UHRF1: variants seen among roughly 807,000 people sequenced by gnomAD.
UHRF1 encodes the protein ubiquitin like with PHD and ring finger domains 1, also known as E3 ubiquitin-protein ligase UHRF1.
UHRF1 carries 9 observed loss-of-function variants against 96.5 expected under a neutral mutation model. The observed-to-expected ratio is 0.09, with a 90% CI of 0.06 to 0.16. The LOEUF (loss-of-function observed/expected upper bound fraction) is 0.16. Ranked by LOEUF, UHRF1 falls within the 10% of genes least tolerant of loss-of-function variation. The pLI is 1.00. For synonymous variants in UHRF1, 455 were observed against 469.9 expected (o/e 0.97, Z 0.41); for missense variants, 626 against 1,131.1 (o/e 0.55, Z 6.40).
intron 5 of UHRF1, among the ~76,000 whole-genome samples, chr19:4,940,386 G>A (rs57486131): frequency 1.5e-5 from 1 of 65,588 alleles, no homozygotes; most frequent in Non-Finnish European, 3.3e-5. Flanking sequence ...TTTTTTTTGA[G>A]ATGGAGTCTT....
intron 2 of UHRF1, among the ~76,000 whole-genome samples, chr19:4,918,539 C>T (rs749860060): frequency 1.3e-5 from 2 of 151,682 alleles, no homozygotes; most frequent in Non-Finnish European, 2.9e-5. Flanking sequence ...GTCAGCCTCC[C>T]GAGTAGCTGG....
At chr19:4,903,134 C>G (rs545196502) in exon 1 of UHRF1, 1 of 340,992 alleles carries the variant, frequency 2.9e-6, no homozygotes, top group South Asian at 2.9e-5. Flanking sequence ...TCAAGCAATT[C>G]TCCTGCCTCA....
intron 2 of UHRF1, among the ~76,000 whole-genome samples, chr19:4,925,613 C>T (rs2032843048): frequency 6.6e-6 from 1 of 152,036 alleles, no homozygotes; most frequent in Non-Finnish European, 1.5e-5. Flanking sequence ...CCTCCGTCTC[C>T]CAGGTTCAAG....
chr19:4,925,959 G>A (rs1227748280), intron 2 of UHRF1, among the ~76,000 whole-genome samples: 3 of 151,764 alleles, frequency 2.0e-5, no homozygotes, highest in Non-Finnish European at 2.9e-5. Flanking sequence ...GTGCAGTGGT[G>A]CAATCTCGGC....
intron 11 of UHRF1, among the ~76,000 whole-genome samples, chr19:4,949,504 A>ACACACACACT (rs751511806): frequency 2.0e-5 from 3 of 147,272 alleles, no homozygotes; most frequent in African/African-American, 7.5e-5. Flanking sequence ...ACACACACAC[A>ACACACACACT]CTCTCACAAA....
chr19:4,942,948 G>A (rs1241183678), intron 7 of UHRF1, among the ~76,000 whole-genome samples: 1 of 150,918 alleles, frequency 6.6e-6, no homozygotes, highest in Non-Finnish European at 1.5e-5. Context: ...CTTTAGAAAA[G>A]TAAAAATGAG....
intron 1 of UHRF1, among the ~76,000 whole-genome samples, chr19:4,904,470 C>T (rs1217443056): frequency 6.6e-6 from 1 of 152,158 alleles, no homozygotes; most frequent in Non-Finnish European, 1.5e-5. Flanking sequence ...TGAGCCACCG[C>T]ACCCAGCCAA....
chr19:4,918,314 G>A (rs2146302089), intron 2 of UHRF1, among the ~76,000 whole-genome samples: 1 of 151,936 alleles, frequency 6.6e-6, no homozygotes, highest in East Asian at 1.9e-4. Context: ...TAGAGACGGG[G>A]TTTCACCACG....
chr19:4,919,771 A>G (rs1197216755), intron 2 of UHRF1, among the ~76,000 whole-genome samples: 1 of 152,048 alleles, frequency 6.6e-6, no homozygotes, highest in Non-Finnish European at 1.5e-5. Flanking sequence ...GAGACTTTAC[A>G]AATTTCCATA....
intron 2 of UHRF1, 47 bp downstream of exon 2, chr19:4,911,085 G>GCGCCTCTGCAGCCACCAGC (rs2032252567): frequency 6.8e-7 from 1 of 1,460,688 alleles, no homozygotes; most frequent in African/African-American, 1.4e-5. Flanking sequence ...TCCAGGCCTC[G>GCGCCTCTGCAGCCACCAGC]CGCCTCTGCA....
chr19:4,906,885 T>C (rs1467032250), upstream of UHRF1, among the ~76,000 whole-genome samples: 1 of 152,236 alleles, frequency 6.6e-6, no homozygotes, highest in Non-Finnish European at 1.5e-5. Context: ...GGTGCTGTCA[T>C]TTTGGAAGAG....
intron 7 of UHRF1, among the ~76,000 whole-genome samples, chr19:4,942,199 T>C (rs903543041): frequency 6.6e-6 from 1 of 151,948 alleles, no homozygotes; most frequent in Non-Finnish European, 1.5e-5. Flanking sequence ...CTTTTTCTTT[T>C]CTTTTTTTTT....
At chr19:4,939,218 A>ATTTT (rs35132707) in intron 5 of UHRF1, among the ~76,000 whole-genome samples, 1 of 120,812 alleles carries the variant, frequency 8.3e-6, no homozygotes, top group Non-Finnish European at 1.7e-5. Flanking sequence ...GCACCCGGCC[A>ATTTT]TTTTTTTTTT....
chr19:4,947,803 G>T (rs1420941060), intron 11 of UHRF1, among the ~76,000 whole-genome samples: 1 of 152,052 alleles, frequency 6.6e-6, no homozygotes, highest in Non-Finnish European at 1.5e-5. Flanking sequence ...CTGGCTGATA[G>T]TAGGTATCTT....
In UHRF1 at chr19:4,950,793, G is replaced by A. The variant is rs551333250; in HGVS notation, c.1680+20G>A. ...TACAAGGTGAGTGCCCCTTGAGGAG[G>A]CCGGGGGCTCTGTCCCCGCCGGGGC... On this transcript the variant is annotated intron_variant, in intron 12 of 16. Coordinates refer to ENST00000650932, the MANE Select transcript of UHRF1 (RefSeq NM_001048201.3). The A allele has an allele frequency of 2.5e-5, 41 of 1,613,774 alleles. No homozygotes were observed. The South Asian group carries it at 4.3e-4, about 17-fold the overall frequency.
intron 2 of UHRF1, among the ~76,000 whole-genome samples, chr19:4,915,239 G>A (rs1348772928): frequency 3.3e-5 from 5 of 152,170 alleles, no homozygotes; most frequent in African/African-American, 1.2e-4. Context: ...TTCTGTCTGC[G>A]GGAGGGAGGG....
chr19:4,906,776 AAG>A (rs1430091265), upstream of UHRF1, among the ~76,000 whole-genome samples: 4 of 152,118 alleles, frequency 2.6e-5, no homozygotes, highest in Non-Finnish European at 4.4e-5. Flanking sequence ...AAAAAAGAAA[AAG>A]AAAAATGTAT....
chr19:4,929,166 A>T, intron 2 of UHRF1, 56 bp from the exon 3 acceptor site: 19 of 1,572,930 alleles, frequency 1.2e-5, no homozygotes, highest in Admixed American at 1.7e-5. Context: ...TGGTGCCCAC[A>T]GATGCCCACT....
chr19:4,944,944 C>T (rs2033518404), intron 9 of UHRF1, among the ~76,000 whole-genome samples: 1 of 152,232 alleles, frequency 6.6e-6, no homozygotes, highest in Admixed American at 6.5e-5. Context: ...CCACCCACTC[C>T]ATGTCCTCCC....
Sources: allele counts gnomAD v4.1 joint callset (sites outside exome capture counted in the v4.1 genomes callset), GRCh38; gene constraint gnomAD v4.1.1; transcripts MANE v1.5; gene names NCBI Gene and HGNC (gene_info 2026-07-23, HGNC 2026-07-21).